The following HCN1 variants were observed in gnomAD, a reference collection of about 807,000 sequenced individuals.
HCN1 encodes hyperpolarization activated cyclic nucleotide gated potassium channel 1, also known as potassium/sodium hyperpolarization-activated cyclic nucleotide-gated channel 1.
HCN1 carries 13 observed loss-of-function variants against 78.9 expected under a neutral mutation model. The ratio of observed to expected loss-of-function variants is 0.16; its 90% confidence interval spans 0.11 to 0.26. The LOEUF is 0.26. Ranked by LOEUF, HCN1 falls within the 10% of genes least tolerant of loss-of-function variation. The pLI is 1.00. For missense variants in HCN1, 810 were observed against 1,154.3 expected, an observed-to-expected ratio of 0.70 and a Z score of 4.32; for synonymous variants, 552 against 455.5, an observed-to-expected ratio of 1.21 and a Z score of -2.70.
intron 2 of HCN1, among the ~76,000 whole-genome samples, chr5:45,506,716 T>C (rs4532370): frequency 0.24 from 37,210 of 152,016 alleles, 4,673 homozygotes; most frequent in East Asian, 0.32. Context: ...TCAGGAAAAA[T>C]TGTTTGCCTA....
rs536590848 is a variant in HCN1, at chr5:45,260,161, C to T, written c.*1760G>A. 1 of 152,346 alleles carries T rather than the reference C, an allele frequency of 6.6e-6. No homozygotes were observed. Among genetic ancestry groups the T allele is most frequent in the South Asian group, 2.1e-4 (1 of 4,830 alleles). The allele number at this position is 152,346 out of a possible 1,614,324, so 9.4% of individuals were successfully genotyped here. Reference sequence around the variant, plus strand: ...TTTTGTTTTCTGTCCTCAAGTCTATCTGCAGGCCCTGTCCCACATAATGTG... The same window carrying T: ...TTTTGTTTTCTGTCCTCAAGTCTATTTGCAGGCCCTGTCCCACATAATGTG... On this transcript the variant is annotated 3_prime_UTR_variant, in exon 8 of 8. Transcript: ENST00000303230.
rs975527828 is a variant in HCN1, at chr5:45,645,391, T to C, written c.643A>G (p.Met215Val). The C allele has an allele frequency of 1.1e-5, 17 of 1,613,638 alleles. No homozygotes were observed. Among genetic ancestry groups the C allele is most frequent in the Non-Finnish European group, 1.3e-5 (15 of 1,179,764 alleles). ...EIILDPKVIK[M>V]NYLKSWFVVD... ...ACAAACCAGCTTTTTAAATAATTCA[T>C]CTTGATCACTTTGGGGTCCAGGATG... is the stretch of plus-strand genomic sequence containing the variant. Residue 215 changes from methionine to valine, a missense_variant, in exon 2 of 8, where the codon ATG (methionine) becomes GTG (valine). Physicochemically the swap from Met to Val is conservative, Grantham distance 21. Around this residue, in one of 6 missense-constraint regions of HCN1, gnomAD observed 104 missense variants for 402.8 expected, o/e 0.26. Coordinates refer to ENST00000303230, the MANE Select transcript of HCN1 (RefSeq NM_021072.4).
chr5:45,295,204 C>T (rs1745463990), intron 6 of HCN1, among the ~76,000 whole-genome samples: 1 of 152,000 alleles, frequency 6.6e-6, no homozygotes, highest in Non-Finnish European at 1.5e-5. Flanking sequence ...GCCTAGAACT[C>T]CCAGGTAATC....
At chr5:45,663,182 A>G (rs1745955505) in intron 1 of HCN1, among the ~76,000 whole-genome samples, 1 of 125,078 alleles carries the variant, frequency 8.0e-6, no homozygotes, top group Admixed American at 8.6e-5. Context: ...TCTTTGACAA[A>G]CCTGAGAAAA....
chr5:45,287,924 A>G (rs1015716759), intron 6 of HCN1, among the ~76,000 whole-genome samples: 1 of 152,092 alleles, frequency 6.6e-6, no homozygotes, highest in Non-Finnish European at 1.5e-5. Context: ...ATCATGGCAC[A>G]GACTGTGCCA....
At position 45,599,915 on chromosome 5, in the gene HCN1, T is replaced by G. The variant is rs543617780; in HGVS notation, c.849+45270A>C. Among the ~76,000 whole-genome samples, 4 of 152,192 alleles carry G rather than the reference T, an allele frequency of 2.6e-5. 1 individual carries two copies. The highest frequency in any genetic ancestry group is 9.6e-5 in the African/African-American group (4 of 41,506). On this transcript the variant is annotated intron_variant, in intron 2 of 7. Coordinates refer to ENST00000303230, the MANE Select transcript of HCN1 (RefSeq NM_021072.4). ...CTGCAGTTCTTAACATGGAAGTTTC[T>G]TCTTTCTCATCAAGACCACACAGAG...
At chr5:45,513,631 G>A (rs114441127) in intron 2 of HCN1, among the ~76,000 whole-genome samples, 8 of 152,276 alleles carry the variant, frequency 5.3e-5, no homozygotes, top group Non-Finnish European at 8.8e-5. Flanking sequence ...TCACAGGAGC[G>A]TTAAACCTAT....
chr5:45,323,797 G>T (rs1746176276), intron 5 of HCN1, among the ~76,000 whole-genome samples: 2 of 151,842 alleles, frequency 1.3e-5, no homozygotes, highest in Non-Finnish European at 2.9e-5. Context: ...TCCTACCTAT[G>T]AGTGAGAACA....
At chr5:45,285,935 T>C (rs1357618535) in intron 6 of HCN1, among the ~76,000 whole-genome samples, 1 of 151,910 alleles carries the variant, frequency 6.6e-6, no homozygotes, top group Non-Finnish European at 1.5e-5. Context: ...CAGTTCCTCA[T>C]CTTCTCTGAT....
At chr5:45,322,559 C>A (rs530003520) in intron 5 of HCN1, among the ~76,000 whole-genome samples, 1 of 151,784 alleles carries the variant, frequency 6.6e-6, no homozygotes, top group Non-Finnish European at 1.5e-5. Flanking sequence ...TGGGATTCAA[C>A]TCTGAACATG....
chr5:45,593,322 CCTCTCTCT>C, intron 2 of HCN1, among the ~76,000 whole-genome samples: 1 of 123,810 alleles, frequency 8.1e-6, no homozygotes, highest in South Asian at 2.6e-4. Context: ...TCTCTCTCTC[CCTCTCTCT>C]CTCTCTCTCT....
At chr5:45,510,391 G>A (rs754079833) in intron 2 of HCN1, among the ~76,000 whole-genome samples, 2 of 151,936 alleles carry the variant, frequency 1.3e-5, no homozygotes, top group Non-Finnish European at 2.9e-5. Flanking sequence ...CTAGAGTATC[G>A]ACTCAATAGG....
chr5:45,335,822 T>C (rs376135684), intron 5 of HCN1, among the ~76,000 whole-genome samples: 1 of 151,984 alleles, frequency 6.6e-6, no homozygotes, highest in Admixed American at 6.6e-5. Flanking sequence ...CATTTCAAGA[T>C]GAGAAAAATG....
intron 4 of HCN1, among the ~76,000 whole-genome samples, chr5:45,365,638 C>T (rs540258476): frequency 2.0e-5 from 3 of 151,830 alleles, no homozygotes; most frequent in Non-Finnish European, 4.4e-5. Flanking sequence ...GCGAATAGGG[C>T]TGTGATAAAT....
chr5:45,591,700 C>T (rs958915381), intron 2 of HCN1, among the ~76,000 whole-genome samples: 5 of 152,122 alleles, frequency 3.3e-5, no homozygotes, highest in African/African-American at 1.2e-4. Flanking sequence ...TCAGATGTAT[C>T]TTTTGATGCA....
At chr5:45,512,811 A>G (rs1742440726) in intron 2 of HCN1, among the ~76,000 whole-genome samples, 2 of 152,116 alleles carry the variant, frequency 1.3e-5, no homozygotes, top group South Asian at 2.1e-4. Flanking sequence ...TACCAACTTA[A>G]AGTAAAGCAA....
intron 6 of HCN1, among the ~76,000 whole-genome samples, chr5:45,294,898 G>A (rs1745457202): frequency 6.6e-6 from 1 of 152,060 alleles, no homozygotes; most frequent in Admixed American, 6.6e-5. Flanking sequence ...AACAAACTGA[G>A]TTTGAAACCT....
intron 3 of HCN1, among the ~76,000 whole-genome samples, chr5:45,449,470 A>AG (rs1192337254): frequency 1.3e-5 from 2 of 152,176 alleles, no homozygotes; most frequent in Non-Finnish European, 2.9e-5. Flanking sequence ...GCATGCCAAG[A>AG]GCTCATCAGT....
intron 4 of HCN1, among the ~76,000 whole-genome samples, chr5:45,363,706 T>C (rs1040148733): frequency 6.6e-6 from 1 of 152,084 alleles, no homozygotes; most frequent in South Asian, 2.1e-4. Flanking sequence ...TCCTGTGCTA[T>C]TCTTGTGATA....
Sources: gnomAD v4.1 joint callset for allele counts (sites outside exome capture counted in the v4.1 genomes callset) on GRCh38, gnomAD v4.1.1 for gene constraint, gnomAD v4.1.1 regional missense constraint, MANE v1.5 for transcripts, NCBI Gene and HGNC (gene_info 2026-07-23, HGNC 2026-07-21) for gene names.